Variants in CRY1 observed in about 807,000 individuals in gnomAD.
CRY1 encodes the protein cryptochrome circadian regulator 1.
Under a neutral mutation model 76.0 loss-of-function variants are expected in CRY1, and 45 were observed. The ratio of observed to expected loss-of-function variants is 0.59; its 90% CI spans 0.47 to 0.76. The LOEUF (loss-of-function observed/expected upper bound fraction) is 0.76. Ranked by LOEUF, CRY1 falls within the 30% of genes least tolerant of loss-of-function variation. The pLI is 0.00. For missense variants in CRY1, 587 were observed against 716.4 expected (o/e 0.82, Z 2.06); for synonymous variants, 248 against 244.0 (o/e 1.02, Z -0.15).
intron 1 of CRY1, among the ~76,000 whole-genome samples, chr12:107,059,639 T>G (rs1371157310): frequency 6.6e-6 from 1 of 152,192 alleles, no homozygotes; most frequent in East Asian, 1.9e-4. Context: ...TTCTCCAATT[T>G]AGATATCAAA....
At chr12:107,024,848 C>T (rs7300157) in intron 1 of CRY1, among the ~76,000 whole-genome samples, 105,564 of 152,038 alleles carry the variant, frequency 0.69, 37,476 homozygotes, top group East Asian at 0.97. Flanking sequence ...ACAGATATAA[C>T]TTACATCTCT....
rs1306221999 is a variant in CRY1 at position 107,093,157 on chromosome 12, T to C, written c.-196A>G. Reference sequence around the variant, plus strand: ...GCCGGAGGCGCAGTGGAAAGATGAATGGAGGTTGCCTAGTCGGCGGAGTCC... The same window carrying C: ...GCCGGAGGCGCAGTGGAAAGATGAACGGAGGTTGCCTAGTCGGCGGAGTCC... On this transcript the variant is annotated 5_prime_UTR_variant, in exon 1 of 13. Coordinates refer to ENST00000008527, the MANE Select transcript of CRY1 (RefSeq NM_004075.5). 1.2e-5 allele frequency: 7 copies of C among 579,406 alleles called. No homozygotes were observed. The highest frequency in any genetic ancestry group is 8.5e-6 in the Non-Finnish European group (3 of 351,432). The allele number at this position is 579,406 out of a possible 1,614,324, so 35.9% of individuals were successfully genotyped here. A position where few individuals can be genotyped will look rare whatever the true frequency, so the allele number is the denominator to read the frequency against.
At chr12:107,038,341 G>C (rs1486591565) in intron 1 of CRY1, among the ~76,000 whole-genome samples, 1 of 152,154 alleles carries the variant, frequency 6.6e-6, no homozygotes, top group African/African-American at 2.4e-5. Flanking sequence ...GAAAGAAGCA[G>C]CTTCACTTTG....
chr12:107,056,002 A>G (rs1303576594), intron 1 of CRY1, among the ~76,000 whole-genome samples: 1 of 152,216 alleles, frequency 6.6e-6, no homozygotes, highest in Non-Finnish European at 1.5e-5. Context: ...ATATCTCCCT[A>G]AAGAGTTGGC....
At chr12:107,076,977 C>T (rs12310292) in intron 1 of CRY1, among the ~76,000 whole-genome samples, 4,202 of 152,240 alleles carry the variant, frequency 0.028, 193 homozygotes, top group African/African-American at 0.095. Flanking sequence ...CAAAAGCAGA[C>T]GCTGCTATGC....
Position 107,001,263 on chromosome 12 carries a change from A to G in CRY1, c.684+17T>C. The G allele has an allele frequency of 4.4e-6, 7 of 1,580,240 alleles. No individual in the cohort carries two copies. Among genetic ancestry groups the G allele is most frequent in the Non-Finnish European group, 6.1e-6 (7 of 1,154,788 alleles). On this transcript the variant is annotated intron_variant, in intron 5 of 12. Transcript: ENST00000008527. The stretch of plus-strand genomic sequence containing the variant: ...TTTGGAAATACAAGCATAGCTATAT[A>G]ATCTACATTATCATACTTTTCTTTC...
intron 2 of CRY1, among the ~76,000 whole-genome samples, chr12:107,008,084 A>G (rs569679916): frequency 2.7e-4 from 41 of 152,276 alleles, no homozygotes; most frequent in African/African-American, 9.6e-4. Context: ...CATAAGCAGC[A>G]CCTCCCGCAG....
intron 2 of CRY1, among the ~76,000 whole-genome samples, chr12:107,012,858 C>T (rs1355306806): frequency 6.6e-6 from 1 of 152,168 alleles, no homozygotes; most frequent in Non-Finnish European, 1.5e-5. Flanking sequence ...GAGGAAGGAA[C>T]TACAAATGTG....
At chr12:107,005,374 G>T in intron 2 of CRY1, 126 bp from the exon 3 acceptor site, 2 of 938,234 alleles carry the variant, frequency 2.1e-6, no homozygotes, top group Non-Finnish European at 3.1e-6. Flanking sequence ...CTTTGAATAT[G>T]CAGGAAAAAG....
intron 2 of CRY1, among the ~76,000 whole-genome samples, chr12:107,018,361 T>C (rs551509642): frequency 6.6e-6 from 1 of 152,256 alleles, no homozygotes; most frequent in South Asian, 2.1e-4. Context: ...TGGTGGAGAC[T>C]CCTGGATCCT....
intron 1 of CRY1, among the ~76,000 whole-genome samples, chr12:107,022,719 T>C (rs974824196): frequency 6.6e-6 from 1 of 151,758 alleles, no homozygotes; most frequent in Admixed American, 6.6e-5. Flanking sequence ...ATTGTAATCA[T>C]TTAAGAGATT....
chr12:107,084,736 C>T (rs571746463), intron 1 of CRY1, among the ~76,000 whole-genome samples: 1 of 152,266 alleles, frequency 6.6e-6, no homozygotes, highest in East Asian at 1.9e-4. Flanking sequence ...AAAACCTAGG[C>T]AATACCATTC....
intron 1 of CRY1, among the ~76,000 whole-genome samples, chr12:107,084,797 G>T (rs1014216627): frequency 3.3e-5 from 5 of 152,104 alleles, no homozygotes; most frequent in Non-Finnish European, 5.9e-5. Flanking sequence ...AAAAGCAATG[G>T]CAACAAAAGC....
At chr12:107,024,284 G>A (rs1952585452) in intron 1 of CRY1, among the ~76,000 whole-genome samples, 1 of 152,198 alleles carries the variant, frequency 6.6e-6, no homozygotes, top group African/African-American at 2.4e-5. Context: ...ACAGTAAGAT[G>A]GGATAAGAAA....
intron 1 of CRY1, among the ~76,000 whole-genome samples, chr12:107,028,981 G>C (rs1393114465): frequency 6.6e-6 from 1 of 152,152 alleles, no homozygotes; most frequent in Non-Finnish European, 1.5e-5. Flanking sequence ...TTAGGCTCTA[G>C]GTTCAGACAA....
chr12:107,022,488 T>C (rs1952570287), intron 1 of CRY1, among the ~76,000 whole-genome samples: 1 of 152,040 alleles, frequency 6.6e-6, no homozygotes, highest in South Asian at 2.1e-4. Flanking sequence ...ATCAAAGCAA[T>C]TAAATTGGTT....
At chr12:107,008,574 G>T (rs766494436) in intron 2 of CRY1, among the ~76,000 whole-genome samples, 10 of 152,180 alleles carry the variant, frequency 6.6e-5, no homozygotes, top group Non-Finnish European at 1.0e-4. Context: ...AAATATCCTT[G>T]TTTTTTCCTA....
At chr12:107,003,914 C>T (rs989733795) in intron 3 of CRY1, among the ~76,000 whole-genome samples, 3 of 150,446 alleles carry the variant, frequency 2.0e-5, no homozygotes, top group Non-Finnish European at 2.9e-5. Flanking sequence ...TCAAGTGATT[C>T]TCCTCCCTCA....
chr12:107,058,300 ACACT>A (rs771658676), intron 1 of CRY1, among the ~76,000 whole-genome samples: 11 of 152,154 alleles, frequency 7.2e-5, no homozygotes, highest in Non-Finnish European at 1.6e-4. Context: ...GCACACACAC[ACACT>A]CACACGCTTC....
Sources: allele counts gnomAD v4.1 joint callset (sites outside exome capture counted in the v4.1 genomes callset), GRCh38; gene constraint gnomAD v4.1.1; transcripts MANE v1.5; gene names NCBI Gene and HGNC (gene_info 2026-07-23, HGNC 2026-07-21).